Variants in MIPOL1 observed in about 807,000 individuals in gnomAD.
MIPOL1 encodes mirror-image polydactyly 1.
MIPOL1 carries 57 observed loss-of-function variants against 60.9 expected under a neutral mutation model. The ratio of observed to expected loss-of-function variants is 0.94; its 90% CI spans 0.76 to 1.17. The LOEUF (loss-of-function observed/expected upper bound fraction) is 1.17, where lower values mean the gene tolerates loss of function less well. MIPOL1 is among the 50% of genes most tolerant of loss of function. The pLI is 0.00. For missense variants in MIPOL1, 551 were observed against 511.6 expected (o/e 1.08, Z -0.74); for synonymous variants, 179 against 168.8 (o/e 1.06, Z -0.47).
chr14:37,485,323 T>C (rs1180264137), intron 11 of MIPOL1, among the ~76,000 whole-genome samples: 1 of 152,204 alleles, frequency 6.6e-6, no homozygotes, highest in Non-Finnish European at 1.5e-5. Context: ...ACTGGAATGA[T>C]TTATAATCCT....
chr14:37,228,044 C>T (rs1028218019), intron 1 of MIPOL1, among the ~76,000 whole-genome samples: 2 of 152,188 alleles, frequency 1.3e-5, no homozygotes, highest in African/African-American at 4.8e-5. Flanking sequence ...CTTTTCATTA[C>T]TCCAGCAAGA....
chr14:37,522,276 A>G (rs1189182088), intron 12 of MIPOL1, among the ~76,000 whole-genome samples: 1 of 152,164 alleles, frequency 6.6e-6, no homozygotes, highest in Non-Finnish European at 1.5e-5. Context: ...TACTTTACGC[A>G]TCTTCAAATA....
intron 9 of MIPOL1, among the ~76,000 whole-genome samples, chr14:37,342,100 G>C (rs2090613555): frequency 1.3e-5 from 2 of 152,142 alleles, no homozygotes; most frequent in African/African-American, 4.8e-5. Context: ...AGTGGCTCAT[G>C]CCTGTAATCC....
intron 12 of MIPOL1, among the ~76,000 whole-genome samples, chr14:37,539,903 A>T (rs1018269409): frequency 6.6e-6 from 1 of 152,212 alleles, no homozygotes; most frequent in African/African-American, 2.4e-5. Flanking sequence ...CGGAGGGACC[A>T]GATGGAGATA....
intron 11 of MIPOL1, among the ~76,000 whole-genome samples, chr14:37,484,494 C>T (rs566857159): frequency 2.0e-5 from 3 of 152,060 alleles, no homozygotes; most frequent in South Asian, 2.1e-4. Context: ...TGTCCTACCG[C>T]GCCCAGCACA....
At chr14:37,244,599 G>T (rs975276444) in intron 1 of MIPOL1, among the ~76,000 whole-genome samples, 2 of 150,966 alleles carry the variant, frequency 1.3e-5, no homozygotes, top group African/African-American at 4.9e-5. Flanking sequence ...ACAAACTTTA[G>T]TTGCAAATTG....
intron 12 of MIPOL1, among the ~76,000 whole-genome samples, chr14:37,536,329 A>G (rs1319611740): frequency 6.6e-6 from 1 of 152,354 alleles, no homozygotes; most frequent in African/African-American, 2.4e-5. Flanking sequence ...CAGAGATGAT[A>G]GTCACATCCC....
Position 37,247,869 on chromosome 14 carries a change from A to G in MIPOL1, c.-20A>G. On this transcript the variant is annotated 5_prime_UTR_variant, in exon 3 of 13. Coordinates refer to ENST00000684589, the MANE Select transcript of MIPOL1 (RefSeq NM_001388067.1). Reference sequence around the variant, plus strand: ...CAAAAACCAGAGACATTGCCAGAGCAAACAAGAACAGAAATACAAATGGAG... The same window carrying G: ...CAAAAACCAGAGACATTGCCAGAGCGAACAAGAACAGAAATACAAATGGAG... 6.2e-7 allele frequency: 1 copy of G among 1,613,022 alleles called. No homozygotes were observed. Among genetic ancestry groups the G allele is most frequent in the Non-Finnish European group, 8.5e-7 (1 of 1,179,358 alleles).
intron 11 of MIPOL1, among the ~76,000 whole-genome samples, 200 bp from the exon 12 acceptor site, chr14:37,499,708 A>G (rs1428605636): frequency 6.6e-6 from 1 of 152,158 alleles, no homozygotes; most frequent in Non-Finnish European, 1.5e-5. Flanking sequence ...TAGCATAATC[A>G]TTTGTCTGGG....
chr14:37,493,298 G>C lies in MIPOL1; in HGVS notation c.1032-6610G>C, dbSNP rs1471690179. On this transcript the variant is annotated intron_variant, in intron 11 of 12. Coordinates refer to ENST00000684589, the MANE Select transcript of MIPOL1 (RefSeq NM_001388067.1). ...AACAGGTAGGCAGACAAGTTGAAGA[G>C]AATATAAATATCTGCAAGCAAAACA... 2.0e-5 allele frequency among the ~76,000 whole-genome samples: 3 copies of C among 152,242 alleles called. No individual in the cohort carries two copies. The East Asian group carries it at 5.8e-4, about 29-fold the overall frequency.
chr14:37,443,004 A>G (rs1400118151), intron 11 of MIPOL1, among the ~76,000 whole-genome samples: 1 of 152,188 alleles, frequency 6.6e-6, no homozygotes, highest in Non-Finnish European at 1.5e-5. Flanking sequence ...AAAGAAATCC[A>G]GAATAGCCAA....
intron 9 of MIPOL1, among the ~76,000 whole-genome samples, chr14:37,317,051 A>C (rs1418346946): frequency 2.0e-5 from 3 of 152,140 alleles, no homozygotes; most frequent in Admixed American, 6.6e-5. Context: ...ATTGATAGGA[A>C]ATAGGTTCTA....
At chr14:37,526,493 C>G (rs978721862) in intron 12 of MIPOL1, among the ~76,000 whole-genome samples, 5 of 151,482 alleles carry the variant, frequency 3.3e-5, no homozygotes, top group Admixed American at 6.6e-5. Flanking sequence ...CCTCAGCCCC[C>G]CAAGTAGCTG....
At chr14:37,332,673 T>C (rs1174038584) in intron 9 of MIPOL1, among the ~76,000 whole-genome samples, 1 of 136,014 alleles carries the variant, frequency 7.4e-6, no homozygotes, top group Non-Finnish European at 1.6e-5. Flanking sequence ...CATCTGATTA[T>C]AGGATGAATT....
At chr14:37,204,957 T>TG (rs1965850771) in intron 1 of MIPOL1, among the ~76,000 whole-genome samples, 1 of 152,132 alleles carries the variant, frequency 6.6e-6, no homozygotes, top group Non-Finnish European at 1.5e-5. Flanking sequence ...CAATAAAATC[T>TG]AGGCTGAGGT....
chr14:37,236,842 A>G (rs1220117288), intron 1 of MIPOL1, among the ~76,000 whole-genome samples: 2 of 152,068 alleles, frequency 1.3e-5, no homozygotes, highest in Non-Finnish European at 2.9e-5. Context: ...CTTGAATGCC[A>G]AGGCCTCTTT....
intron 9 of MIPOL1, among the ~76,000 whole-genome samples, chr14:37,353,685 T>C (rs2091581855): frequency 6.6e-6 from 1 of 152,198 alleles, no homozygotes; most frequent in South Asian, 2.1e-4. Flanking sequence ...TTTTCTAGTT[T>C]ATTTGCGTAG....
At chr14:37,319,732 C>A (rs1188646949) in intron 9 of MIPOL1, among the ~76,000 whole-genome samples, 1 of 152,028 alleles carries the variant, frequency 6.6e-6, no homozygotes, top group Non-Finnish European at 1.5e-5. Flanking sequence ...ATGTGTGTTC[C>A]CTTGAAAGCA....
chr14:37,265,316 T>G (rs1950884), intron 3 of MIPOL1: 2 of 151,920 alleles, frequency 1.3e-5, no homozygotes, highest in African/African-American at 4.8e-5. Flanking sequence ...TTGTATGTAT[T>G]TGGCCTCCAT....
Sources: allele counts gnomAD v4.1 joint callset (sites outside exome capture counted in the v4.1 genomes callset), GRCh38; gene constraint gnomAD v4.1.1; transcripts MANE v1.5; gene names NCBI Gene and HGNC (gene_info 2026-07-23, HGNC 2026-07-21).